The following DHX35 variants were observed in gnomAD, a reference collection of about 807,000 sequenced individuals.
DHX35 encodes probable ATP-dependent RNA helicase DHX35.
In DHX35, 84 loss-of-function variants were observed where a neutral mutation model predicts 99.6. The observed-to-expected ratio is 0.84, with a 90% CI of 0.71 to 1.01. The LOEUF is 1.01. DHX35 is among the 50% of genes least tolerant of loss of function. The pLI is 0.00. For missense variants in DHX35, 852 were observed against 888.5 expected (o/e 0.96, Z 0.52); for synonymous variants, 331 against 316.2 (o/e 1.05, Z -0.50).
Position 38,991,522 on chromosome 20 carries a change from G to T in DHX35, c.512+7G>T. 1 of 1,612,222 alleles carries T rather than the reference G, an allele frequency of 6.2e-7. No homozygotes were observed. Among genetic ancestry groups the T allele is most frequent in the Non-Finnish European group, 8.5e-7 (1 of 1,179,080 alleles). On this transcript the variant is annotated splice_region_variant and intron_variant, in intron 6 of 21. Coordinates refer to ENST00000252011, the MANE Select transcript of DHX35 (RefSeq NM_021931.4). Reference sequence around the variant, plus strand: ...CGTTGTTAACAAAATATAGGTAAATGTGTTTTTCTTATGATAGCTTTCCTA... The same window carrying T: ...CGTTGTTAACAAAATATAGGTAAATTTGTTTTTCTTATGATAGCTTTCCTA...
rs757259455 is a variant in DHX35 at position 39,038,615 on chromosome 20, TGGG to T, written c.*74_*76del. On this transcript the variant is annotated 3_prime_UTR_variant, in exon 22 of 22. Transcript: ENST00000252011. ...CCATGCTGCTGCCCCTGGTCCCAGG[TGGG>T]GTGAGCTGGCACCAGCTCCTGTGGA... The T allele has an allele frequency of 3.3e-5, 49 of 1,503,826 alleles. 1 individual carries two copies. Among genetic ancestry groups the T allele is most frequent in the Non-Finnish European group, 3.6e-5 (40 of 1,105,402 alleles). The allele number at this position is 1,503,826 out of a possible 1,614,324, so 93.2% of individuals were successfully genotyped here.
chr20:38,966,533 G>A lies in DHX35; in HGVS notation c.41-2548G>A, dbSNP rs545870041. Among the ~76,000 whole-genome samples, 13 of 152,324 alleles carry A rather than the reference G, an allele frequency of 8.5e-5. No homozygotes were observed. In the South Asian group the frequency reaches 2.7e-3, roughly 32 times the overall value. On this transcript the variant is annotated intron_variant, in intron 1 of 21. Transcript: ENST00000252011. The stretch of plus-strand genomic sequence containing the variant: ...AAAAATACAAAATGAGCTGGGTGCG[G>A]TGGTGCGTGCCTGTAATCCCAGCTA...
intron 18 of DHX35, among the ~76,000 whole-genome samples, chr20:39,026,199 T>C (rs776144381): frequency 1.3e-5 from 2 of 152,210 alleles, no homozygotes; most frequent in Non-Finnish European, 2.9e-5. Context: ...GAGTGTTCCA[T>C]GTGTTTATTA....
intron 5 of DHX35, 87 bp from the exon 6 acceptor site, chr20:38,991,367 C>A: frequency 1.7e-6 from 2 of 1,168,566 alleles, no homozygotes; most frequent in Non-Finnish European, 2.4e-6. Context: ...CACATGCTGG[C>A]AAAGAGGTTG....
intron 13 of DHX35, among the ~76,000 whole-genome samples, chr20:39,014,575 G>A (rs1223355241): frequency 6.6e-6 from 1 of 152,112 alleles, no homozygotes; most frequent in Non-Finnish European, 1.5e-5. Context: ...TGTCTCAGGA[G>A]GGTTTAAGGA....
chr20:38,993,299 A>G (rs2086369831), intron 7 of DHX35, among the ~76,000 whole-genome samples: 1 of 152,266 alleles, frequency 6.6e-6, no homozygotes, highest in Non-Finnish European at 1.5e-5. Context: ...GTTAATTAAA[A>G]TAGAAGAAAG....
intron 8 of DHX35, among the ~76,000 whole-genome samples, chr20:38,995,225 C>G (rs1435025782): frequency 6.6e-6 from 1 of 152,050 alleles, no homozygotes; most frequent in Non-Finnish European, 1.5e-5. Context: ...TTTTTCTGTG[C>G]AATTGAAGTT....
chr20:38,992,604 C>CTGTGTG (rs10532229), intron 7 of DHX35, among the ~76,000 whole-genome samples, 179 bp downstream of exon 7: 3 of 148,946 alleles, frequency 2.0e-5, no homozygotes, highest in Admixed American at 1.3e-4. Flanking sequence ...CTTCTCTTTT[C>CTGTGTG]TGTGTGTGTG....
At chr20:39,034,485 C>G (rs188445079) in intron 21 of DHX35, among the ~76,000 whole-genome samples, 168 bp downstream of exon 21, 1 of 152,120 alleles carries the variant, frequency 6.6e-6, no homozygotes, top group Non-Finnish European at 1.5e-5. Context: ...AGCACTCTAG[C>G]GTTTAATTCA....
At chr20:38,971,236 C>T (rs1399291141) in intron 2 of DHX35, among the ~76,000 whole-genome samples, 3 of 152,148 alleles carry the variant, frequency 2.0e-5, no homozygotes, top group Non-Finnish European at 4.4e-5. Flanking sequence ...TGTTTGTAAT[C>T]CCAGCTACTT....
At chr20:39,026,909 A>G (rs2086966634) in intron 18 of DHX35, among the ~76,000 whole-genome samples, 1 of 152,196 alleles carries the variant, frequency 6.6e-6, no homozygotes. Context: ...TACTTCAGCA[A>G]TTGGTGTTCT....
At chr20:39,003,960 A>G in intron 11 of DHX35, 53 bp downstream of exon 11, 3 of 1,595,500 alleles carry the variant, frequency 1.9e-6, no homozygotes, top group African/African-American at 2.7e-5. Flanking sequence ...AATCATAATG[A>G]TGCTCCTTTA....
At chr20:38,964,005 A>G (rs1489105294) in intron 1 of DHX35, among the ~76,000 whole-genome samples, 3 of 152,310 alleles carry the variant, frequency 2.0e-5, no homozygotes, top group East Asian at 1.9e-4. Context: ...TGGGTATAAT[A>G]CCTACCCTAC....
chr20:38,999,270 C>G (rs1174930285), intron 8 of DHX35, among the ~76,000 whole-genome samples: 1 of 151,958 alleles, frequency 6.6e-6, no homozygotes, highest in Non-Finnish European at 1.5e-5. Context: ...TCCTCCTTCT[C>G]CTTCCATAGC....
In DHX35 at chr20:39,014,905, A is replaced by G. The variant is rs765007965; in HGVS notation, c.1373A>G (p.Gln458Arg). Residue 458 changes from glutamine to arginine, a missense_variant, in exon 14 of 22, where the codon CAA (glutamine) becomes CGA (arginine). Coordinates refer to ENST00000252011, the MANE Select transcript of DHX35 (RefSeq NM_021931.4). The part of the protein sequence containing the change: ...MSPPPAQSMV[Q>R]ALELLYALGG... ...CCCCCTCCAGCACAGTCGATGGTTCAAGCCTTGGAGTTACTGTATGCTCTG... is the reference window on the plus strand; with the variant it reads ...CCCCCTCCAGCACAGTCGATGGTTCGAGCCTTGGAGTTACTGTATGCTCTG... The G allele has an allele frequency of 6.8e-6, 11 of 1,614,176 alleles. No homozygotes were observed. The highest frequency in any genetic ancestry group is 9.3e-6 in the Non-Finnish European group (11 of 1,180,016).
In DHX35 at chr20:39,039,422, T is replaced by C. The variant is rs1305235365; in HGVS notation, c.*879T>C. ...TTGCTTGGGTTCTTGCAAGAGCGCGTGGGGACAGTTCTTCCAGCAGGCACT... is the reference window on the plus strand; with the variant it reads ...TTGCTTGGGTTCTTGCAAGAGCGCGCGGGGACAGTTCTTCCAGCAGGCACT... On this transcript the variant is annotated 3_prime_UTR_variant, in exon 22 of 22. Coordinates refer to ENST00000252011, the MANE Select transcript of DHX35 (RefSeq NM_021931.4). 6.6e-6 allele frequency: 1 copy of C among 152,616 alleles called. No individual in the cohort carries two copies. Among genetic ancestry groups the C allele is most frequent in the Non-Finnish European group, 1.5e-5 (1 of 68,050 alleles). The allele number at this position is 152,616 out of a possible 1,614,324, so 9.5% of individuals were successfully genotyped here.
intron 3 of DHX35, among the ~76,000 whole-genome samples, chr20:38,981,963 A>AG (rs2086181177): frequency 6.9e-6 from 1 of 144,970 alleles, no homozygotes. Flanking sequence ...AAAAAAAAAA[A>AG]GAAATCATGA....
chr20:39,018,807 T>C lies in DHX35; in HGVS notation c.1406T>C (p.Leu469Pro). 6.2e-7 allele frequency: 1 copy of C among 1,613,828 alleles called. No individual in the cohort carries two copies. Among genetic ancestry groups the C allele is most frequent in the Non-Finnish European group, 8.5e-7 (1 of 1,179,820 alleles). Residue 469 changes from leucine to proline, a missense_variant, in exon 15 of 22, where the codon CTG (leucine) becomes CCG (proline). Physicochemically the swap from Leu to Pro is moderately conservative, Grantham distance 98 (BLOSUM62 -3). Transcript: ENST00000252011. Reference protein sequence around the residue: ...ALELLYALGGLDKDCRLTEPL... With the variant: ...ALELLYALGGPDKDCRLTEPL... The stretch of plus-strand genomic sequence containing the variant: ...TCTTTTGTTGTTCTTATGGCAGGTC[T>C]GGACAAAGACTGTCGCCTAACTGAA...
At chr20:39,021,772 C>A in intron 15 of DHX35, 69 bp from the exon 16 acceptor site, 1 of 1,453,316 alleles carries the variant, frequency 6.9e-7, no homozygotes, top group Non-Finnish European at 9.7e-7. Flanking sequence ...AGGAAAGTAT[C>A]AGAAAATGTC....
Sources: allele counts gnomAD v4.1 joint callset (sites outside exome capture counted in the v4.1 genomes callset), GRCh38; gene constraint gnomAD v4.1.1; transcripts MANE v1.5; gene names NCBI Gene and HGNC (gene_info 2026-07-23, HGNC 2026-07-21).